RBFOX3: variants seen among roughly 807,000 people sequenced by gnomAD.
The protein encoded by RBFOX3 is RNA binding fox-1 homolog 3.
A neutral mutation model predicts 48.7 loss-of-function variants in RBFOX3; 17 were observed. The ratio of observed to expected loss-of-function variants is 0.35; its 90% confidence interval spans 0.24 to 0.52. The LOEUF is 0.52. RBFOX3 is among the 20% of genes least tolerant of loss of function. The probability of loss-of-function intolerance (pLI) is 0.94; values close to 1 mark genes in which losing one functional copy is unlikely to be tolerated. For synonymous variants in RBFOX3, 212 were observed against 209.5 expected (o/e 1.01, Z -0.10); for missense variants, 382 against 497.5 (o/e 0.77, Z 2.21).
intron 3 of RBFOX3, among the ~76,000 whole-genome samples, chr17:79,274,071 G>A (rs551270014): frequency 1.7e-4 from 26 of 152,320 alleles, no homozygotes; most frequent in African/African-American, 6.0e-4. Context: ...GGCGGACGCT[G>A]ACCCCATGCA....
At position 79,286,596 on chromosome 17, in the gene RBFOX3, C is replaced by T. The variant is rs532415643; in HGVS notation, c.-74+21128G>A. 9.8e-5 allele frequency among the ~76,000 whole-genome samples: 15 copies of T among 152,306 alleles called. No individual in the cohort carries two copies. In the South Asian group the frequency reaches 1.9e-3, roughly 19 times the overall value. ...TCCTGATATGTGACAGAGCTTAATA[C>T]GCTGCGGCTCCCAGCCTCGCCAGCC... On this transcript the variant is annotated intron_variant, in intron 3 of 14. Transcript: ENST00000693108.
rs768583146 is a variant in RBFOX3, at chr17:79,104,137, A to C, written c.361-11T>G. The C allele has an allele frequency of 1.9e-6, 3 of 1,550,336 alleles. No homozygotes were observed. ...AATTTTTCCGAATTGCTGCAGAGACAGAGACAAAGAGGGAGTGGGGCAGAC... is the reference window on the plus strand; with the variant it reads ...AATTTTTCCGAATTGCTGCAGAGACCGAGACAAAGAGGGAGTGGGGCAGAC... On this transcript the variant is annotated splice_polypyrimidine_tract_variant and intron_variant, in intron 6 of 14. Coordinates refer to ENST00000693108, the MANE Select transcript of RBFOX3 (RefSeq NM_001350451.2).
chr17:79,463,477 CACTG>C (rs2075794677), intron 2 of RBFOX3, among the ~76,000 whole-genome samples: 1 of 85,074 alleles, frequency 1.2e-5, no homozygotes, highest in African/African-American at 3.9e-5. Flanking sequence ...CTGCCACCTC[CACTG>C]CCATCGCCAC....
intron 2 of RBFOX3, among the ~76,000 whole-genome samples, chr17:79,337,703 G>A (rs903549817): frequency 2.0e-5 from 3 of 152,156 alleles, no homozygotes; most frequent in Admixed American, 6.5e-5. Context: ...CTGAACCCGT[G>A]AGGCAGAGGT....
chr17:79,124,226 G>T (rs1355271604), intron 4 of RBFOX3, among the ~76,000 whole-genome samples: 2 of 152,200 alleles, frequency 1.3e-5, no homozygotes, highest in African/African-American at 4.8e-5. Context: ...CATAAGGGCT[G>T]GATTGGGATT....
intron 9 of RBFOX3, chr17:79,098,009 C>A (rs1312149514): frequency 2.0e-6 from 1 of 501,750 alleles, no homozygotes; most frequent in East Asian, 3.3e-5. Flanking sequence ...CCCTGAGCAA[C>A]CCTCACCCCT....
At chr17:79,629,055 G>A in the RBFOX3 span, among the ~76,000 whole-genome samples, 4 of 152,200 alleles carry the variant, frequency 2.6e-5, no homozygotes, top group African/African-American at 7.2e-5. Flanking sequence ...TGAAGTGACC[G>A]GCTCTGGGGC....
intron 1 of RBFOX3, among the ~76,000 whole-genome samples, chr17:79,541,947 C>T (rs1316052541): frequency 2.0e-5 from 3 of 152,144 alleles, no homozygotes; most frequent in Non-Finnish European, 2.9e-5. Flanking sequence ...AGGGTCCCCA[C>T]GCACTGGCTG....
At chr17:79,665,188 G>A in the RBFOX3 span, among the ~76,000 whole-genome samples, 1 of 152,218 alleles carries the variant, frequency 6.6e-6, no homozygotes, top group Non-Finnish European at 1.5e-5. Context: ...CAAAGGAGAA[G>A]CAAGATTTGT....
chr17:79,252,937 C>T lies in RBFOX3; in HGVS notation c.-73-17132G>A. ...CCCGGCAAGCCCCAGCCCCCTAAACCCGCAGCCTTCTTTGCCGTCTACACT... is the reference window on the plus strand; with the variant it reads ...CCCGGCAAGCCCCAGCCCCCTAAACTCGCAGCCTTCTTTGCCGTCTACACT... On this transcript the variant is annotated intron_variant, in intron 3 of 14. Coordinates refer to ENST00000693108, the MANE Select transcript of RBFOX3 (RefSeq NM_001350451.2). The surrounding 1 kb of genome is among the most constrained non-coding windows in gnomAD (Gnocchi z 4.0). Among the ~76,000 whole-genome samples the T allele has an allele frequency of 6.6e-6, 1 of 152,116 alleles. No homozygotes were observed. The highest frequency in any genetic ancestry group is 6.5e-5 in the Admixed American group (1 of 15,272).
At chr17:79,189,301 G>A (rs1488689211) in intron 4 of RBFOX3, among the ~76,000 whole-genome samples, 2 of 152,300 alleles carry the variant, frequency 1.3e-5, no homozygotes, top group East Asian at 1.9e-4. Flanking sequence ...GTGGTCCAAG[G>A]TCACACAACC....
At chr17:79,179,264 C>T (rs575018498) in intron 4 of RBFOX3, among the ~76,000 whole-genome samples, 11 of 152,364 alleles carry the variant, frequency 7.2e-5, no homozygotes, top group Non-Finnish European at 1.5e-4. Flanking sequence ...CCCTGCCCCT[C>T]GGCGGAGCCT....
chr17:79,262,477 A>T (rs2065946919), intron 3 of RBFOX3, among the ~76,000 whole-genome samples: 2 of 152,198 alleles, frequency 1.3e-5, no homozygotes. Context: ...AGAACAATCG[A>T]TGGGTAGATC....
intron 4 of RBFOX3, among the ~76,000 whole-genome samples, chr17:79,177,214 C>CA (rs1325778937): frequency 6.6e-6 from 1 of 152,126 alleles, no homozygotes; most frequent in African/African-American, 2.4e-5. Context: ...TCCTCTCCCC[C>CA]CCCGCCCTCT....
At chr17:79,442,348 GGAGGAAGAGGGGGGGAGAGAGAGAGAGA>G (rs1568258699) in intron 2 of RBFOX3, among the ~76,000 whole-genome samples, 1 of 34,440 alleles carries the variant, frequency 2.9e-5, no homozygotes, top group African/African-American at 1.2e-4. Flanking sequence ...AGGGAGGGAG[GGAGGAAGAGGGGGGGAGAGAGAGAGAGA>G]GAGAGAGAGA....
chr17:79,117,897 G>A (rs1172440206), intron 4 of RBFOX3, among the ~76,000 whole-genome samples: 2 of 152,210 alleles, frequency 1.3e-5, no homozygotes, highest in African/African-American at 2.4e-5. Context: ...CAGCACTGAG[G>A]GCTGCAAGGG....
chr17:79,112,908 G>GCGGC (rs1181305662), intron 5 of RBFOX3, among the ~76,000 whole-genome samples: 2 of 135,290 alleles, frequency 1.5e-5, no homozygotes, highest in South Asian at 2.5e-4. Context: ...GGCTCTCGGG[G>GCGGC]GGGGGGTGGG....
intron 14 of RBFOX3, 21 bp from the exon 15 acceptor site, chr17:79,090,906 C>T (rs2073748107): frequency 6.5e-7 from 1 of 1,526,880 alleles, no homozygotes; most frequent in South Asian, 1.2e-5. Context: ...AACAGAAAGG[C>T]AGGACTTGCA....
chr17:79,327,727 C>T lies in RBFOX3; in HGVS notation c.-174-19903G>A, dbSNP rs561661823. On this transcript the variant is annotated intron_variant, in intron 2 of 14. Transcript: ENST00000693108. Reference sequence around the variant, plus strand: ...TCTCTTTTTTTTGAGACGGAGTCTCCCTCTGTCACCCAGGCTGGAGTGCAG... The same window carrying T: ...TCTCTTTTTTTTGAGACGGAGTCTCTCTCTGTCACCCAGGCTGGAGTGCAG... Among the ~76,000 whole-genome samples the T allele has an allele frequency of 2.9e-4, 44 of 152,196 alleles. 1 individual carries two copies. The highest frequency in any genetic ancestry group is 1.0e-3 in the African/African-American group (43 of 41,534).
Sources: gnomAD v4.1 joint callset for allele counts (sites outside exome capture counted in the v4.1 genomes callset) on GRCh38, gnomAD v4.1.1 for gene constraint, Gnocchi (gnomAD v3.1) non-coding constraint, MANE v1.5 for transcripts, NCBI Gene and HGNC (gene_info 2026-07-23, HGNC 2026-07-21) for gene names.